CABLES1: variants seen among roughly 807,000 people sequenced by gnomAD.
The protein encoded by CABLES1 is CDK5 and ABL1 enzyme substrate 1.
A neutral mutation model predicts 57.8 loss-of-function variants in CABLES1; 36 were observed. The ratio of observed to expected loss-of-function variants is 0.62; its 90% confidence interval spans 0.48 to 0.82. The LOEUF is 0.82. Ranked by LOEUF, CABLES1 falls within the 40% of genes least tolerant of loss-of-function variation. The probability of loss-of-function intolerance (pLI) is 0.00; values close to 1 mark genes in which losing one functional copy is unlikely to be tolerated. For missense variants in CABLES1, 767 were observed against 836.6 expected (o/e 0.92, Z 1.03); for synonymous variants, 374 against 363.0 (o/e 1.03, Z -0.35).
At chr18:23,177,209 G>A (rs183635807) in intron 1 of CABLES1, among the ~76,000 whole-genome samples, 2 of 152,144 alleles carry the variant, frequency 1.3e-5, no homozygotes, top group East Asian at 3.9e-4. Flanking sequence ...GGGAGGAAGC[G>A]AGACGGCTCC....
At chr18:23,251,126 ATTTC>A (rs2048026263) in intron 7 of CABLES1, among the ~76,000 whole-genome samples, 1 of 152,116 alleles carries the variant, frequency 6.6e-6, no homozygotes, top group Non-Finnish European at 1.5e-5. Context: ...AAAATCTGTC[ATTTC>A]TTCTTTCCTG....
chr18:23,197,353 G>A (rs2047291739), intron 3 of CABLES1: 1 of 152,250 alleles, frequency 6.6e-6, no homozygotes, highest in Non-Finnish European at 1.5e-5. Flanking sequence ...CAAAGTGGAA[G>A]TGAACGCCTT....
At chr18:23,208,889 C>T (rs1291526880) in intron 3 of CABLES1, among the ~76,000 whole-genome samples, 1 of 152,226 alleles carries the variant, frequency 6.6e-6, no homozygotes, top group Non-Finnish European at 1.5e-5. Context: ...TCACTTCCAT[C>T]TCTGTCTCCA....
At chr18:23,159,944 C>T (rs759069898) in intron 1 of CABLES1, among the ~76,000 whole-genome samples, 11 of 150,726 alleles carry the variant, frequency 7.3e-5, no homozygotes, top group East Asian at 1.9e-4. Flanking sequence ...CTTGTCTCTC[C>T]GAAGAATCAT....
chr18:23,153,348 T>C (rs1005950289), intron 1 of CABLES1, among the ~76,000 whole-genome samples: 17 of 152,078 alleles, frequency 1.1e-4, no homozygotes, highest in Admixed American at 1.1e-3. Flanking sequence ...TCTGCCTGCC[T>C]CAGCCTCCCA....
At chr18:23,142,098 C>T (rs893884193) in intron 1 of CABLES1, among the ~76,000 whole-genome samples, 2 of 152,122 alleles carry the variant, frequency 1.3e-5, no homozygotes, top group Non-Finnish European at 2.9e-5. Flanking sequence ...TGTCTCGGTC[C>T]TGTGGCCTGC....
intron 1 of CABLES1, among the ~76,000 whole-genome samples, chr18:23,139,559 A>C (rs760123715): frequency 7.9e-5 from 12 of 152,206 alleles, no homozygotes; most frequent in Non-Finnish European, 1.6e-4. Flanking sequence ...AATTCTGTGC[A>C]CAAGCCTTGG....
chr18:23,176,545 G>T (rs1358166449), intron 1 of CABLES1, among the ~76,000 whole-genome samples: 1 of 152,104 alleles, frequency 6.6e-6, no homozygotes, highest in Non-Finnish European at 1.5e-5. Context: ...CAATTTAGCT[G>T]TACCCAATCC....
chr18:23,150,614 C>T (rs1451142648), intron 1 of CABLES1, among the ~76,000 whole-genome samples: 1 of 152,098 alleles, frequency 6.6e-6, no homozygotes, highest in Admixed American at 6.5e-5. Context: ...GGGTGGGACC[C>T]CTGCCACCAC....
chr18:23,233,287 A>G (rs779258107), intron 4 of CABLES1, among the ~76,000 whole-genome samples: 3 of 152,150 alleles, frequency 2.0e-5, no homozygotes, highest in Non-Finnish European at 4.4e-5. Context: ...TTTAAAAATT[A>G]CCGTAGGGGA....
At chr18:23,249,356 C>G (rs1451559175) in intron 7 of CABLES1, among the ~76,000 whole-genome samples, 2 of 152,128 alleles carry the variant, frequency 1.3e-5, no homozygotes, top group Non-Finnish European at 2.9e-5. Context: ...AGCCTCAGCC[C>G]CGGGGGTTTA....
intron 7 of CABLES1, among the ~76,000 whole-genome samples, chr18:23,237,746 C>G (rs1420252755): frequency 6.6e-6 from 1 of 152,246 alleles, no homozygotes; most frequent in Non-Finnish European, 1.5e-5. Context: ...GTTTTTATTT[C>G]ATGGACTCTT....
chr18:23,208,121 C>T (rs2047377563), intron 3 of CABLES1, among the ~76,000 whole-genome samples: 1 of 152,208 alleles, frequency 6.6e-6, no homozygotes, highest in African/African-American at 2.4e-5. Context: ...GCTCCTTGTT[C>T]TAGTGCCTTC....
intron 7 of CABLES1, among the ~76,000 whole-genome samples, chr18:23,241,557 A>G (rs10853510): frequency 0.31 from 47,703 of 152,046 alleles, 7,871 homozygotes; most frequent in Admixed American, 0.46. Context: ...ATGCTCAGTG[A>G]TATAAGATGT....
intron 7 of CABLES1, among the ~76,000 whole-genome samples, chr18:23,252,196 G>A (rs1368571869): frequency 6.6e-6 from 1 of 152,202 alleles, no homozygotes; most frequent in East Asian, 1.9e-4. Context: ...GTGGAGTAGT[G>A]GTTGCCAGGA....
chr18:23,226,030 C>T (rs2047524910), intron 4 of CABLES1, among the ~76,000 whole-genome samples: 1 of 152,190 alleles, frequency 6.6e-6, no homozygotes, highest in Non-Finnish European at 1.5e-5. Context: ...ACAGGAATAG[C>T]TTAGGGGAAA....
intron 1 of CABLES1, among the ~76,000 whole-genome samples, chr18:23,137,421 G>C (rs1239330095): frequency 6.6e-6 from 1 of 152,202 alleles, no homozygotes; most frequent in African/African-American, 2.4e-5. Context: ...GTGAACTGAA[G>C]CTTGCAAAAG....
intron 4 of CABLES1, among the ~76,000 whole-genome samples, chr18:23,229,599 T>C (rs1413772111): frequency 6.6e-6 from 1 of 152,238 alleles, no homozygotes; most frequent in African/African-American, 2.4e-5. Flanking sequence ...CAAACAGATA[T>C]TTCTATTTTT....
At chr18:23,198,484 C>T (rs1008548994) in intron 3 of CABLES1, among the ~76,000 whole-genome samples, 4 of 152,094 alleles carry the variant, frequency 2.6e-5, no homozygotes, top group Non-Finnish European at 4.4e-5. Flanking sequence ...ATATCCACAT[C>T]CCATCCCCAG....
Sources: gnomAD v4.1 joint callset for allele counts (sites outside exome capture counted in the v4.1 genomes callset) on GRCh38, gnomAD v4.1.1 for gene constraint, MANE v1.5 for transcripts, NCBI Gene and HGNC (gene_info 2026-07-23, HGNC 2026-07-21) for gene names.